B3GAT2: variants seen among roughly 807,000 people sequenced by gnomAD.
B3GAT2 encodes galactosylgalactosylxylosylprotein 3-beta-glucuronosyltransferase 2.
In B3GAT2, 26 loss-of-function variants were observed where a neutral mutation model predicts 27.8. The ratio of observed to expected loss-of-function variants is 0.93; its 90% CI spans 0.68 to 1.30. B3GAT2 has a LOEUF of 1.30. Among genes scored for constraint, B3GAT2 ranks in the 50% most tolerant of loss-of-function variants. The probability of loss-of-function intolerance (pLI) is 0.00; values close to 1 mark genes in which losing one functional copy is unlikely to be tolerated. For synonymous variants in B3GAT2, 218 were observed against 195.1 expected (o/e 1.12, Z -0.98); for missense variants, 458 against 459.0 (o/e 1.00, Z 0.02).
chr6:70,865,706 T>C (rs566605525), intron 2 of B3GAT2, among the ~76,000 whole-genome samples: 2 of 152,306 alleles, frequency 1.3e-5, no homozygotes, highest in South Asian at 4.1e-4. Context: ...TGTAAGACTT[T>C]AAAAGTCCAA....
chr6:70,889,571 C>T (rs1273821393), intron 2 of B3GAT2, among the ~76,000 whole-genome samples: 4 of 152,178 alleles, frequency 2.6e-5, no homozygotes, highest in African/African-American at 7.2e-5. Flanking sequence ...CACCGCCTTA[C>T]ACAACCTCAG....
chr6:70,951,296 C>A (rs1765575003), intron 1 of B3GAT2, among the ~76,000 whole-genome samples: 1 of 152,166 alleles, frequency 6.6e-6, no homozygotes, highest in Non-Finnish European at 1.5e-5. Flanking sequence ...GCTTTTGCAG[C>A]ATGCCTTAAA....
intron 2 of B3GAT2, among the ~76,000 whole-genome samples, chr6:70,870,194 T>C (rs887203970): frequency 3.3e-5 from 5 of 151,854 alleles, no homozygotes; most frequent in Non-Finnish European, 7.4e-5. Context: ...ATATACACCA[T>C]GGAATACTAT....
intron 1 of B3GAT2, among the ~76,000 whole-genome samples, chr6:70,899,033 G>A (rs981109214): frequency 6.6e-6 from 1 of 151,756 alleles, no homozygotes; most frequent in African/African-American, 2.4e-5. Flanking sequence ...AATAAATGTG[G>A]GCCCACATGT....
At chr6:70,938,754 C>G (rs903924620) in intron 1 of B3GAT2, among the ~76,000 whole-genome samples, 8 of 151,976 alleles carry the variant, frequency 5.3e-5, no homozygotes, top group African/African-American at 1.9e-4. Flanking sequence ...AAAATTAATT[C>G]AAGATGGAAA....
chr6:70,861,635 G>C lies in B3GAT2; in HGVS notation c.*28C>G, dbSNP rs184646363. 5 of 1,600,636 alleles carry C rather than the reference G, an allele frequency of 3.1e-6. No homozygotes were observed. The African/African-American group carries it at 4.0e-5, about 13-fold the overall frequency. The stretch of plus-strand genomic sequence containing the variant: ...CTCTTCCATATGGATCCACTGGCTG[G>C]ACAAACTGCACCAGTTGCTGCTTCA... On this transcript the variant is annotated 3_prime_UTR_variant, in exon 4 of 4. Transcript: ENST00000230053.
At chr6:70,932,587 G>A (rs141987699) in intron 1 of B3GAT2, among the ~76,000 whole-genome samples, 11 of 152,248 alleles carry the variant, frequency 7.2e-5, no homozygotes, top group South Asian at 4.1e-4. Flanking sequence ...TACCTAGTCC[G>A]ATTCATGGAA....
At chr6:70,922,951 C>T (rs1318727656) in intron 1 of B3GAT2, among the ~76,000 whole-genome samples, 1 of 152,160 alleles carries the variant, frequency 6.6e-6, no homozygotes, top group Admixed American at 6.5e-5. Flanking sequence ...ATTAATAAGA[C>T]ACTGTATGAC....
chr6:70,940,624 A>G (rs989130360), intron 1 of B3GAT2, among the ~76,000 whole-genome samples: 2 of 152,122 alleles, frequency 1.3e-5, no homozygotes, highest in Admixed American at 1.3e-4. Flanking sequence ...GGGATTACAT[A>G]GTAATTAAAA....
At chr6:70,923,605 G>C (rs1772906334) in intron 1 of B3GAT2, among the ~76,000 whole-genome samples, 1 of 152,088 alleles carries the variant, frequency 6.6e-6, no homozygotes, top group African/African-American at 2.4e-5. Context: ...GAGCCAGGAG[G>C]TCAAGCCAGG....
intron 2 of B3GAT2, among the ~76,000 whole-genome samples, chr6:70,880,491 G>C (rs1313019228): frequency 6.6e-6 from 1 of 152,030 alleles, no homozygotes; most frequent in Non-Finnish European, 1.5e-5. Context: ...ATAGGAACTT[G>C]TATCCTGTTT....
rs190884450 is a variant in B3GAT2, at chr6:70,862,376, C to G, written c.737-398G>C. Among the ~76,000 whole-genome samples, 6 of 152,252 alleles carry G rather than the reference C, an allele frequency of 3.9e-5. No individual in the cohort carries two copies. In the East Asian group the frequency reaches 1.2e-3, roughly 29 times the overall value. On this transcript the variant is annotated intron_variant, in intron 2 of 3. Transcript: ENST00000230053. ...TACATGTGGGGTATGAGACCACATG[C>G]CCAGCTCTCCTGCCTGCCCTGTAAT...
At position 70,859,384 on chromosome 6, in the gene B3GAT2, CA is replaced by C. The variant is rs1307660277; in HGVS notation, c.*2278del. The C allele has an allele frequency of 2.6e-6, 4 of 1,549,164 alleles. No individual in the cohort carries two copies. In the East Asian group the frequency reaches 9.8e-5, roughly 38 times the overall value. On this transcript the variant is annotated 3_prime_UTR_variant, in exon 4 of 4. Coordinates refer to ENST00000230053, the MANE Select transcript of B3GAT2 (RefSeq NM_080742.3). ...CACTCCATCAGTGCAATCTACTGGC[CA>C]ATGACAAGGTGGTTAAAATGTCCTT...
chr6:70,901,679 C>CAGTGGGG (rs1208788685), intron 1 of B3GAT2, among the ~76,000 whole-genome samples: 1 of 152,208 alleles, frequency 6.6e-6, no homozygotes, highest in Non-Finnish European at 1.5e-5. Flanking sequence ...CATCATTCCC[C>CAGTGGGG]ACTGCAGTCT....
chr6:70,901,483 T>C (rs34552606), intron 1 of B3GAT2, among the ~76,000 whole-genome samples: 2,879 of 152,284 alleles, frequency 0.019, 47 homozygotes, highest in Non-Finnish European at 0.026. Context: ...CAAACCCACA[T>C]TGGTGTGTGT....
rs78069982 is a variant in B3GAT2 at position 70,861,617 on chromosome 6, A to T, written c.*46T>A. ...GCCTAAACTCCAAACATCCTCTTCCATATGGATCCACTGGCTGGACAAACT... is the reference window on the plus strand; with the variant it reads ...GCCTAAACTCCAAACATCCTCTTCCTTATGGATCCACTGGCTGGACAAACT... On this transcript the variant is annotated 3_prime_UTR_variant, in exon 4 of 4. Transcript: ENST00000230053. 8.8e-4 allele frequency: 1,370 copies of T among 1,553,848 alleles called. 14 individuals are homozygous for T. The African/African-American group carries it at 0.015, about 17-fold the overall frequency.
intron 1 of B3GAT2, among the ~76,000 whole-genome samples, chr6:70,914,222 T>G (rs1399270931): frequency 6.6e-6 from 1 of 152,186 alleles, no homozygotes; most frequent in East Asian, 1.9e-4. Flanking sequence ...CATGCTGGTA[T>G]GCTGCACCCA....
chr6:70,927,334 C>T lies in B3GAT2; in HGVS notation c.591+28505G>A, dbSNP rs1772979980. 2.0e-5 allele frequency among the ~76,000 whole-genome samples: 3 copies of T among 152,126 alleles called. No individual in the cohort carries two copies. In the South Asian group the frequency reaches 6.2e-4, roughly 32 times the overall value. ...CAAATTCACACATAACAATATTAAC[C>T]TTCAATGTAAATGGGCTAAAAGCCC... On this transcript the variant is annotated intron_variant, in intron 1 of 3. Transcript: ENST00000230053.
At chr6:70,911,407 G>T (rs1396556935) in intron 1 of B3GAT2, among the ~76,000 whole-genome samples, 3 of 152,034 alleles carry the variant, frequency 2.0e-5, no homozygotes, top group South Asian at 2.1e-4. Flanking sequence ...TGACTAGCAG[G>T]TCCTTTCCCC....
Sources: gnomAD v4.1 joint callset for allele counts (sites outside exome capture counted in the v4.1 genomes callset) on GRCh38, gnomAD v4.1.1 for gene constraint, MANE v1.5 for transcripts, NCBI Gene and HGNC (gene_info 2026-07-23, HGNC 2026-07-21) for gene names.